The following AFF3 variants were observed in gnomAD, a reference collection of about 807,000 sequenced individuals.
The protein encoded by AFF3 is AF4/FMR2 family member 3.
AFF3 carries 32 observed loss-of-function variants against 129.7 expected under a neutral mutation model. The ratio of observed to expected loss-of-function variants is 0.25; its 90% CI spans 0.19 to 0.33. AFF3 has a LOEUF of 0.33. Among genes scored for constraint, AFF3 ranks in the 10% least tolerant of loss-of-function variants. The pLI is 1.00. For missense variants in AFF3, 1,373 were observed against 1,592.0 expected (o/e 0.86, Z 2.34); for synonymous variants, 644 against 635.4 (o/e 1.01, Z -0.20).
chr2:99,935,342 A>G (rs1442484423), intron 7 of AFF3, among the ~76,000 whole-genome samples: 1 of 152,250 alleles, frequency 6.6e-6, no homozygotes, highest in Non-Finnish European at 1.5e-5. Context: ...TACTGTGCTT[A>G]GCCAAACAAT....
chr2:99,572,676 C>T (rs566841562), intron 18 of AFF3: 51 of 455,822 alleles, frequency 1.1e-4, no homozygotes, highest in African/African-American at 7.0e-4. Context: ...GATATGTCAG[C>T]TTGTCATCTG....
chr2:99,983,598 A>G (rs1679601273), intron 7 of AFF3, among the ~76,000 whole-genome samples: 1 of 152,174 alleles, frequency 6.6e-6, no homozygotes, highest in Non-Finnish European at 1.5e-5. Context: ...CAACAGGACC[A>G]GTCTCCTTTT....
chr2:99,553,936 A>AAAAG (rs1674662991), intron 24 of AFF3, among the ~76,000 whole-genome samples: 7 of 149,668 alleles, frequency 4.7e-5, no homozygotes, highest in Non-Finnish European at 1.0e-4. Flanking sequence ...AAAAAAAAAA[A>AAAAG]AAAAAGAAAA....
chr2:99,839,260 C>A (rs1186270663), intron 7 of AFF3, among the ~76,000 whole-genome samples: 6 of 152,108 alleles, frequency 3.9e-5, no homozygotes, highest in Non-Finnish European at 8.8e-5. Context: ...CAGGCTCCCA[C>A]CACCATGCCC....
chr2:100,033,143 A>C (rs1302073546), intron 4 of AFF3, among the ~76,000 whole-genome samples: 1 of 152,160 alleles, frequency 6.6e-6, no homozygotes, highest in Non-Finnish European at 1.5e-5. Flanking sequence ...TTCCTTGCCA[A>C]ATCTGGAAGC....
chr2:99,707,209 T>A (rs1386287403), intron 11 of AFF3: 2 of 985,392 alleles, frequency 2.0e-6, no homozygotes, highest in African/African-American at 3.5e-5. Flanking sequence ...CATCCACAGT[T>A]AAAAAGCCAT....
intron 13 of AFF3, among the ~76,000 whole-genome samples, chr2:99,619,577 A>C (rs1681788354): frequency 6.6e-6 from 1 of 152,262 alleles, no homozygotes; most frequent in African/African-American, 2.4e-5. Context: ...GTGAAAACAC[A>C]GTAAGAACAT....
chr2:99,833,482 A>G (rs1047565906), intron 8 of AFF3, among the ~76,000 whole-genome samples: 6 of 152,224 alleles, frequency 3.9e-5, no homozygotes, highest in African/African-American at 1.4e-4. Flanking sequence ...TAATCTGCTC[A>G]GATGTTACAC....
chr2:99,846,201 C>T (rs1299173995), intron 7 of AFF3, among the ~76,000 whole-genome samples: 1 of 152,024 alleles, frequency 6.6e-6, no homozygotes, highest in Admixed American at 6.5e-5. Flanking sequence ...GTGATCTTGG[C>T]TCACTGCAAC....
At chr2:99,899,858 A>G (rs1694225606) in intron 7 of AFF3, among the ~76,000 whole-genome samples, 1 of 152,242 alleles carries the variant, frequency 6.6e-6, no homozygotes, top group South Asian at 2.1e-4. Context: ...AGGGTCTCCA[A>G]GGTAGACACA....
intron 8 of AFF3, among the ~76,000 whole-genome samples, chr2:99,792,046 C>T (rs2105449378): frequency 1.3e-5 from 2 of 152,178 alleles, no homozygotes; most frequent in Admixed American, 1.3e-4. Flanking sequence ...TAAACAGAAA[C>T]ACACATACAA....
chr2:99,737,124 A>C (rs907400650), intron 10 of AFF3, among the ~76,000 whole-genome samples: 1 of 152,146 alleles, frequency 6.6e-6, no homozygotes, highest in African/African-American at 2.4e-5. Flanking sequence ...AATTTATCAA[A>C]GCCCAAAGTT....
chr2:99,724,271 CT>C lies in AFF3; in HGVS notation c.1091+2805del, dbSNP rs58303232. 2.5e-4 allele frequency among the ~76,000 whole-genome samples: 17 copies of C among 66,864 alleles called. 2 individuals carry two copies. In the East Asian group the frequency reaches 4.0e-3, roughly 16 times the overall value. 43.9% of individuals were successfully genotyped at this position (66,864 alleles called of 152,430 possible). ...TCCTCACTTCAGTGGAATGACCTTT[CT>C]TTTTTTTTTTTTTTTTTTGAGACAC... On this transcript the variant is annotated intron_variant, in intron 11 of 24. Coordinates refer to ENST00000672756, the MANE Select transcript of AFF3 (RefSeq NM_001386135.1).
At chr2:100,036,782 G>A (rs13424200) in intron 4 of AFF3, among the ~76,000 whole-genome samples, 8,933 of 148,384 alleles carry the variant, frequency 0.06, 891 homozygotes, top group African/African-American at 0.21. Flanking sequence ...TGGGGGTGAA[G>A]AGGGAGAGAA....
At chr2:99,978,684 GA>G (rs1679110444) in intron 7 of AFF3, among the ~76,000 whole-genome samples, 1 of 152,144 alleles carries the variant, frequency 6.6e-6, no homozygotes, top group Non-Finnish European at 1.5e-5. Context: ...ATATCAAGAA[GA>G]GGGGCCTTTG....
chr2:100,022,962 A>T (rs1279809037), intron 4 of AFF3, among the ~76,000 whole-genome samples: 1 of 152,196 alleles, frequency 6.6e-6, no homozygotes, highest in Non-Finnish European at 1.5e-5. Context: ...CCCATCCTTG[A>T]TCTCTGCCAA....
chr2:99,841,261 C>A (rs553473354), intron 7 of AFF3, among the ~76,000 whole-genome samples: 2 of 152,172 alleles, frequency 1.3e-5, no homozygotes, highest in Non-Finnish European at 2.9e-5. Flanking sequence ...TAAGGAAATG[C>A]GCTGAGAGAG....
intron 19 of AFF3, among the ~76,000 whole-genome samples, chr2:99,566,970 C>CTTT (rs755875614): frequency 7.1e-6 from 1 of 140,854 alleles, no homozygotes. Flanking sequence ...TTTCTTTTTT[C>CTTT]TTTTTTTTTT....
chr2:99,899,063 G>T (rs934020223), intron 7 of AFF3, among the ~76,000 whole-genome samples: 2 of 152,202 alleles, frequency 1.3e-5, no homozygotes, highest in African/African-American at 2.4e-5. Flanking sequence ...ACAGGGCTGG[G>T]CACACAGATT....
Sources: gnomAD v4.1 joint callset for allele counts (sites outside exome capture counted in the v4.1 genomes callset) on GRCh38, gnomAD v4.1.1 for gene constraint, MANE v1.5 for transcripts, NCBI Gene and HGNC (gene_info 2026-07-23, HGNC 2026-07-21) for gene names.